The following ENOSF1 variants were observed in gnomAD, a reference collection of about 807,000 sequenced individuals.
ENOSF1 encodes the protein mitochondrial enolase superfamily member 1.
A neutral mutation model predicts 68.2 loss-of-function variants in ENOSF1; 73 were observed. The observed-to-expected ratio is 1.07, with a 90% CI of 0.89 to 1.30. The LOEUF is 1.30. Ranked by LOEUF, ENOSF1 falls within the 50% of genes most tolerant of loss-of-function variation. The probability of loss-of-function intolerance (pLI) is 0.00; values close to 1 mark genes in which losing one functional copy is unlikely to be tolerated. For synonymous variants in ENOSF1, 223 were observed against 210.4 expected (o/e 1.06, Z -0.52); for missense variants, 589 against 554.5 (o/e 1.06, Z -0.62).
intron 2 of ENOSF1, among the ~76,000 whole-genome samples, chr18:700,317 A>G (rs1173651124): frequency 1.3e-5 from 2 of 152,164 alleles, no homozygotes; most frequent in Non-Finnish European, 2.9e-5. Flanking sequence ...GATGCTCTTG[A>G]ATTAAAGAAA....
At chr18:691,017 A>G (rs2077100701) in intron 7 of ENOSF1, 51 bp downstream of exon 7, 7 of 1,602,048 alleles carry the variant, frequency 4.4e-6, no homozygotes, top group Admixed American at 3.3e-5. Flanking sequence ...GGGGCACTCA[A>G]AAGTGGACAA....
At chr18:666,975 A>AGATGGT (rs2074842425), downstream of ENOSF1, among the ~76,000 whole-genome samples, 4 of 14,986 alleles carry the variant, frequency 2.7e-4, no homozygotes, top group Admixed American at 2.0e-3. Flanking sequence ...ATGGTGATGG[A>AGATGGT]GATGGAGATG....
rs189914441 is a variant in ENOSF1 at position 690,521 on chromosome 18, G to A, written c.618+28C>T. On this transcript the variant is annotated intron_variant, in intron 8 of 15. Transcript: ENST00000647584. ...CAGGTTGGTTTCTCCCCATTCAGCT[G>A]TCTACAAAGCCAGGTTAAAATGCCC... The A allele has an allele frequency of 3.5e-4, 559 of 1,613,850 alleles. 2 individuals are homozygous for A. In the African/African-American group the frequency reaches 5.4e-3, roughly 16 times the overall value.
intron 11 of ENOSF1, chr18:682,897 CAAAACA>C (rs2076211933): frequency 1.1e-5 from 2 of 187,042 alleles, no homozygotes; most frequent in African/African-American, 2.6e-5. Context: ...CAAAACAAAA[CAAAACA>C]AAAAAAACCA....
chr18:704,440 GAAA>G (rs11429267), intron 2 of ENOSF1, among the ~76,000 whole-genome samples: 2 of 97,240 alleles, frequency 2.1e-5, no homozygotes, highest in East Asian at 3.4e-4. Flanking sequence ...AAAAAGAAAA[GAAA>G]AAAAAAAAAA....
chr18:689,660 G>T lies in ENOSF1; in HGVS notation c.618+889C>A, dbSNP rs112378523. Among the ~76,000 whole-genome samples the T allele has an allele frequency of 4.7e-3, 719 of 152,290 alleles. 6 individuals are homozygous for T. Among genetic ancestry groups the T allele is most frequent in the African/African-American group, 0.016 (676 of 41,562 alleles). ...GGAATCAAAAGCCCATGTGACATAA[G>T]AAGGAATATATATTTTGTCTCTGCC... On this transcript the variant is annotated intron_variant, in intron 8 of 15. Coordinates refer to ENST00000647584, the MANE Select transcript of ENOSF1 (RefSeq NM_017512.7).
chr18:694,002 T>C, intron 4 of ENOSF1, 94 bp from the exon 5 acceptor site: 1 of 1,411,462 alleles, frequency 7.1e-7, no homozygotes, highest in South Asian at 1.2e-5. Flanking sequence ...ATGCTGGCTG[T>C]CAGCCACCAG....
rs1568078411 is a variant in ENOSF1 at position 691,209 on chromosome 18, G to C, written c.491C>G (p.Ala164Gly). Residue 164 changes from alanine (A) to glycine (G), a missense_variant, in exon 6 of 16, where the codon GCC (alanine) becomes GGC (glycine). Ala to Gly is a moderately conservative substitution (Grantham distance 60). Transcript: ENST00000647584. ...CAGAAAGCTTCCAAACTCACCTAGG[G>C]CATCCTCCTCAGTCAGGACATCAGT... ...YITDVLTEED[A>G]LEILQKGQIG... 1 of 1,613,982 alleles carries C rather than the reference G, an allele frequency of 6.2e-7. No homozygotes were observed. Among genetic ancestry groups the C allele is most frequent in the Non-Finnish European group, 8.5e-7 (1 of 1,180,002 alleles).
rs753909685 is a variant in ENOSF1 at position 672,830 on chromosome 18, G to T, written c.*1475C>A. 1 of 1,541,168 alleles carries T rather than the reference G, an allele frequency of 6.5e-7. No homozygotes were observed. Among genetic ancestry groups the T allele is most frequent in the South Asian group, 1.2e-5 (1 of 82,258 alleles). ...CAATTACAACAGGTCGTACAATTAT[G>T]GCAAAATAATGGCCTTATTTTGTTT... On this transcript the variant is annotated 3_prime_UTR_variant, in exon 16 of 16. Coordinates refer to ENST00000647584, the MANE Select transcript of ENOSF1 (RefSeq NM_017512.7).
At chr18:684,683 C>T (rs1332253684) in intron 10 of ENOSF1, among the ~76,000 whole-genome samples, 1 of 152,138 alleles carries the variant, frequency 6.6e-6, no homozygotes, top group Non-Finnish European at 1.5e-5. Flanking sequence ...TAGGCCCTGG[C>T]TCTCTGTGTA....
At position 675,420 on chromosome 18, in the gene ENOSF1, G is replaced by T. The variant is rs373504973; in HGVS notation, c.1149-18C>A. The T allele has an allele frequency of 6.2e-7, 1 of 1,604,822 alleles. No individual in the cohort carries two copies. The highest frequency in any genetic ancestry group is 8.5e-7 in the Non-Finnish European group (1 of 1,174,068). On this transcript the variant is annotated intron_variant, in intron 14 of 15. Coordinates refer to ENST00000647584, the MANE Select transcript of ENOSF1 (RefSeq NM_017512.7). ...CACACACCCTAGGAGGAGGGAATCA[G>T]ATCGGGGCAATGATGCCTGAAGTCA...
chr18:711,905 G>A (rs912784913), intron 1 of ENOSF1, among the ~76,000 whole-genome samples: 2 of 152,130 alleles, frequency 1.3e-5, no homozygotes, highest in African/African-American at 2.4e-5. Context: ...ACCCAGAGAG[G>A]TCTGGAACTT....
At chr18:694,382 G>C in intron 3 of ENOSF1, 48 bp from the exon 4 acceptor site, 2 of 1,573,380 alleles carry the variant, frequency 1.3e-6, no homozygotes, top group African/African-American at 2.7e-5. Flanking sequence ...ATGAAAAAGA[G>C]GGCTGGGTGT....
chr18:670,984 T>C lies in ENOSF1; in HGVS notation c.*3321A>G. 7.8e-7 allele frequency: 1 copy of C among 1,278,966 alleles called. No individual in the cohort carries two copies. Among genetic ancestry groups the C allele is most frequent in the Non-Finnish European group, 1.1e-6 (1 of 935,816 alleles). The allele number at this position is 1,278,966 out of a possible 1,614,324, so 79.2% of individuals were successfully genotyped here. ...CTGATTAGCTTTTAAATTTGATATG[T>C]GTAAGTAAGAAATGAACCAGCTTTT... On this transcript the variant is annotated 3_prime_UTR_variant, in exon 16 of 16. Transcript: ENST00000647584.
downstream of ENOSF1, among the ~76,000 whole-genome samples, chr18:666,926 GT>G (rs1295240915): frequency 1.5e-5 from 1 of 64,528 alleles, no homozygotes; most frequent in Non-Finnish European, 3.5e-5. Flanking sequence ...GATGGAGATG[GT>G]GATGGTGATG....
chr18:679,233 C>T (rs1482779608), intron 11 of ENOSF1, among the ~76,000 whole-genome samples: 2 of 144,000 alleles, frequency 1.4e-5, no homozygotes, highest in South Asian at 4.4e-4. Context: ...TTTTTGAGAC[C>T]GAGTCTTGCT....
intron 11 of ENOSF1, among the ~76,000 whole-genome samples, chr18:682,808 G>C (rs1415738351): frequency 6.6e-6 from 1 of 150,624 alleles, no homozygotes; most frequent in South Asian, 2.1e-4. Context: ...GCTTGAACTC[G>C]GGAGGCAGAG....
Position 678,526 on chromosome 18 carries a change from A to G in ENOSF1, c.918+170T>C, listed in dbSNP as rs1000778221. On this transcript the variant is annotated intron_variant, in intron 12 of 15. Coordinates refer to ENST00000647584, the MANE Select transcript of ENOSF1 (RefSeq NM_017512.7). ...GGAGAAATAGCCACAAACTTTTTCT[A>G]TATCTGACTCTAGACTCTGATAAAA... The G allele has an allele frequency of 1.9e-5, 12 of 623,862 alleles. 1 individual carries two copies. Among genetic ancestry groups the G allele is most frequent in the South Asian group, 4.6e-5 (2 of 43,642 alleles). The allele number at this position is 623,862 out of a possible 1,614,324, so 38.6% of individuals were successfully genotyped here.
At chr18:688,868 GAT>G (rs1384882655) in intron 8 of ENOSF1, among the ~76,000 whole-genome samples, 8 of 152,146 alleles carry the variant, frequency 5.3e-5, no homozygotes, top group Admixed American at 4.6e-4. Context: ...AGATAGCACT[GAT>G]CTCTCTCTTT....
Sources: allele counts gnomAD v4.1 joint callset (sites outside exome capture counted in the v4.1 genomes callset), GRCh38; gene constraint gnomAD v4.1.1; transcripts MANE v1.5; gene names NCBI Gene and HGNC (gene_info 2026-07-23, HGNC 2026-07-21).